COL8A2: variants seen among roughly 807,000 people sequenced by gnomAD.
The protein encoded by COL8A2 is collagen alpha-2(VIII) chain.
COL8A2 carries 16 observed loss-of-function variants against 24.0 expected under a neutral mutation model. The ratio of observed to expected loss-of-function variants is 0.67; its 90% confidence interval spans 0.45 to 1.01. COL8A2 has a LOEUF of 1.01. Ranked by LOEUF, COL8A2 falls within the 50% of genes least tolerant of loss-of-function variation. COL8A2 has a pLI of 0.00. For synonymous variants in COL8A2, 466 were observed against 424.5 expected, an observed-to-expected ratio of 1.10 and a Z score of -1.20; for missense variants, 818 against 942.4, an observed-to-expected ratio of 0.87 and a Z score of 1.73.
At chr1:36,103,068 G>C (rs1045920895) in intron 2 of COL8A2, among the ~76,000 whole-genome samples, 1 of 151,876 alleles carries the variant, frequency 6.6e-6, no homozygotes, top group Non-Finnish European at 1.5e-5. Context: ...CTGCAGCCTC[G>C]GCCTCCCGGG....
Position 36,098,108 on chromosome 1 carries a change from C to T in COL8A2, c.1573G>A (p.Gly525Arg). 1.3e-6 allele frequency: 2 copies of T among 1,510,576 alleles called. No individual in the cohort carries two copies. The highest frequency in any genetic ancestry group is 2.3e-5 in the East Asian group (1 of 43,236). 93.6% of individuals were successfully genotyped at this position (1,510,576 alleles called of 1,614,324 possible). ...PGITGPPGPPGPPGPPGAPGA... is the reference protein window; with the variant it reads ...PGITGPPGPPRPPGPPGAPGA... ...GGGGCACCAGGGGGTCCCGGGGGCC[C>T]GGGAGGCCCCGGAGGGCCCGTGATT... Residue 525 changes from glycine (G) to arginine (R), a missense_variant, in exon 4 of 4, where the codon GGG becomes AGG. Coordinates refer to ENST00000397799, the MANE Select transcript of COL8A2 (RefSeq NM_005202.4).
In COL8A2 at chr1:36,098,396, G is replaced by T. The variant is rs767441504; in HGVS notation, c.1285C>A (p.Pro429Thr). ...PPGPTGPKGE[P>T]GFTGRPGGPG... The stretch of plus-strand genomic sequence containing the variant: ...CCTCCAGGGCGACCCGTGAAACCCG[G>T]CTCACCCTTGGGCCCAGTTGGTCCA... The change falls in exon 4 of 4, where the codon CCG (proline) becomes ACG (threonine). Residue 429 changes from proline to threonine, a missense_variant. Pro to Thr is a conservative substitution (Grantham distance 38). Around this residue, in one of 3 missense-constraint regions of COL8A2, gnomAD observed 573 missense variants for 616.8 expected, o/e 0.93. Coordinates refer to ENST00000397799, the MANE Select transcript of COL8A2 (RefSeq NM_005202.4). 6.3e-7 allele frequency: 1 copy of T among 1,577,026 alleles called. No homozygotes were observed. The highest frequency in any genetic ancestry group is 1.2e-5 in the South Asian group (1 of 86,294).
At position 36,098,858 on chromosome 1, in the gene COL8A2, G is replaced by A; in HGVS notation, c.823C>T (p.Pro275Ser). 2 of 1,612,312 alleles carry A rather than the reference G, an allele frequency of 1.2e-6. No individual in the cohort carries two copies. The highest frequency in any genetic ancestry group is 1.7e-6 in the Non-Finnish European group (2 of 1,179,718). Reference sequence around the variant, plus strand: ...GGGACTCCCACACCGTCTACTCCAGGAGGTCCTTTTGGGCCCACAGCTCCT... The same window carrying A: ...GGGACTCCCACACCGTCTACTCCAGAAGGTCCTTTTGGGCCCACAGCTCCT... Reference protein sequence around the residue: ...EPGAVGPKGPPGVDGVGVPGA... With the variant: ...EPGAVGPKGPSGVDGVGVPGA... Residue 275 changes from proline to serine, a missense_variant, in exon 4 of 4, where the codon CCT becomes TCT. Transcript: ENST00000397799.
At chr1:36,116,222 C>A (rs1643878907) in intron 1 of COL8A2, among the ~76,000 whole-genome samples, 1 of 152,130 alleles carries the variant, frequency 6.6e-6, no homozygotes, top group South Asian at 2.1e-4. Context: ...TCCCTCCTCC[C>A]CTGAGGGAAG....
At chr1:36,124,743 G>A (rs957264639) in intron 1 of COL8A2, among the ~76,000 whole-genome samples, 1 of 152,138 alleles carries the variant, frequency 6.6e-6, no homozygotes, top group African/African-American at 2.4e-5. Flanking sequence ...GAGATCGGGA[G>A]GTGGTGACGC....
intron 2 of COL8A2, among the ~76,000 whole-genome samples, chr1:36,113,752 T>C (rs552304732): frequency 1.5e-4 from 23 of 152,300 alleles, no homozygotes; most frequent in African/African-American, 4.3e-4. Context: ...CCTACCAGAC[T>C]TCAGTTCCAC....
Position 36,097,474 on chromosome 1 carries a change from C to G in COL8A2, c.*95G>C. 9.2e-7 allele frequency: 1 copy of G among 1,081,116 alleles called. No homozygotes were observed. The highest frequency in any genetic ancestry group is 1.4e-6 in the Non-Finnish European group (1 of 738,334). 67.0% of individuals were successfully genotyped at this position (1,081,116 alleles called of 1,614,324 possible). ...CAAGGCCACGGCCGCCTCTGTTCAG[C>G]TTTTGTTTTTTTTTCCAGGAGGTTC... On this transcript the variant is annotated 3_prime_UTR_variant, in exon 4 of 4. Transcript: ENST00000397799.
chr1:36,120,397 G>T (rs1022037020), intron 1 of COL8A2, among the ~76,000 whole-genome samples: 3 of 152,104 alleles, frequency 2.0e-5, no homozygotes, highest in Non-Finnish European at 4.4e-5. Context: ...AGGTTGCAGT[G>T]AGCCAAGATT....
chr1:36,116,713 T>C (rs1643881449), intron 1 of COL8A2, among the ~76,000 whole-genome samples: 2 of 152,126 alleles, frequency 1.3e-5, no homozygotes, highest in African/African-American at 2.4e-5. Flanking sequence ...GATGAGGTGA[T>C]AGAAGGAATT....
intron 2 of COL8A2, among the ~76,000 whole-genome samples, chr1:36,111,802 TCAGCTTCCCAACTGAGCC>T (rs1197086257): frequency 6.6e-6 from 1 of 152,008 alleles, no homozygotes; most frequent in Non-Finnish European, 1.5e-5. Flanking sequence ...TCCTCCCACC[TCAGCTTCCCAACTGAGCC>T]TCAGACTCTT....
chr1:36,109,655 C>T (rs1297527617), intron 2 of COL8A2, among the ~76,000 whole-genome samples: 3 of 151,784 alleles, frequency 2.0e-5, no homozygotes, highest in Non-Finnish European at 4.4e-5. Context: ...CTGCAACCTC[C>T]GCCTTCCAGG....
chr1:36,105,314 T>G (rs1643742348), intron 2 of COL8A2, among the ~76,000 whole-genome samples: 1 of 152,216 alleles, frequency 6.6e-6, no homozygotes, highest in Non-Finnish European at 1.5e-5. Flanking sequence ...TCTGTCCCTG[T>G]GTGCCAAGGA....
intron 2 of COL8A2, among the ~76,000 whole-genome samples, chr1:36,109,477 C>A (rs1643808116): frequency 6.6e-6 from 1 of 152,210 alleles, no homozygotes; most frequent in African/African-American, 2.4e-5. Context: ...CAGCTACTTA[C>A]CAGCTGGGTG....
intron 1 of COL8A2, among the ~76,000 whole-genome samples, chr1:36,121,495 C>T (rs1053425299): frequency 5.4e-5 from 8 of 147,616 alleles, no homozygotes; most frequent in Non-Finnish European, 8.9e-5. Flanking sequence ...CCAAGGCGGG[C>T]GGATCACCTG....
In COL8A2 at chr1:36,099,057, A is replaced by C. The variant is rs1643628842; in HGVS notation, c.624T>G (p.Asn208Lys). ...CAGGCAGCCCGGGCTGGCCCACTCC[A>C]TTATCCCCCTTGAGGCCTCGATCAC... ...PPGDRGLKGD[N>K]GVGQPGLPGA... The change falls in exon 4 of 4, where the codon AAT (asparagine) becomes AAG (lysine). Residue 208 changes from asparagine to lysine, a missense_variant. Asn to Lys is a moderately conservative substitution (Grantham distance 94). Coordinates refer to ENST00000397799, the MANE Select transcript of COL8A2 (RefSeq NM_005202.4). 2 of 1,509,230 alleles carry C rather than the reference A, an allele frequency of 1.3e-6. No homozygotes were observed. The highest frequency in any genetic ancestry group is 3.0e-5 in the African/African-American group (2 of 66,870). 93.5% of individuals were successfully genotyped at this position (1,509,230 alleles called of 1,614,324 possible).
Position 36,099,196 on chromosome 1 carries a change from C to T in COL8A2, c.485G>A (p.Gly162Asp), listed in dbSNP as rs755782922. 4 of 1,519,596 alleles carry T rather than the reference C, an allele frequency of 2.6e-6. No individual in the cohort carries two copies. Among genetic ancestry groups the T allele is most frequent in the South Asian group, 1.2e-5 (1 of 81,268 alleles). 94.1% of individuals were successfully genotyped at this position (1,519,596 alleles called of 1,614,324 possible). A position where few individuals can be genotyped will look rare whatever the true frequency, so the allele number is the denominator to read the frequency against. Reference sequence around the variant, plus strand: ...AGTAATGCCTGAGGGGCCCGGGAGGCCAGGGGGTCCTGGGGGTCCCCGGAG... The same window carrying T: ...AGTAATGCCTGAGGGGCCCGGGAGGTCAGGGGGTCCTGGGGGTCCCCGGAG... ...QGLRGPPGPPGLPGPSGITIP... is the reference protein window; with the variant it reads ...QGLRGPPGPPDLPGPSGITIP... Residue 162 changes from glycine (G) to aspartate (D), a missense_variant, in exon 4 of 4, where the codon GGC becomes GAC. Around this residue, in one of 3 missense-constraint regions of COL8A2, gnomAD observed 573 missense variants for 616.8 expected, o/e 0.93. Transcript: ENST00000397799.
At chr1:36,099,541 AC>A in intron 3 of COL8A2, 54 bp from the exon 4 acceptor site, 13 of 1,255,272 alleles carry the variant, frequency 1.0e-5, no homozygotes, top group Non-Finnish European at 1.5e-5. Context: ...GGGACAGGGG[AC>A]CCCATCTACC....
At position 36,125,100 on chromosome 1, in the gene COL8A2, G is replaced by A; in HGVS notation, c.-105C>T. ...GGCGCCGCTCCCGGCCCTCGAGGGCGGCCCGGGCGGCGAGGGCTCCGGGCA... is the reference window on the plus strand; with the variant it reads ...GGCGCCGCTCCCGGCCCTCGAGGGCAGCCCGGGCGGCGAGGGCTCCGGGCA... On this transcript the variant is annotated 5_prime_UTR_variant, in exon 1 of 4. Coordinates refer to ENST00000397799, the MANE Select transcript of COL8A2 (RefSeq NM_005202.4). This position sits in a 1 kb window ranked among gnomAD's most constrained non-coding sequence, Gnocchi z 4.5. 1.0e-6 allele frequency: 1 copy of A among 974,320 alleles called. No individual in the cohort carries two copies. The highest frequency in any genetic ancestry group is 1.2e-6 in the Non-Finnish European group (1 of 821,854). The allele number at this position is 974,320 out of a possible 1,614,324, so 60.4% of individuals were successfully genotyped here.
Position 36,098,748 on chromosome 1 carries a change from G to T in COL8A2, c.933C>A (p.Gly311=), listed in dbSNP as rs779212973. 17 of 1,611,500 alleles carry T rather than the reference G, an allele frequency of 1.1e-5. No homozygotes were observed. Among genetic ancestry groups the T allele is most frequent in the Admixed American group, 3.3e-5 (2 of 59,976 alleles). Residue 311 remains glycine (G), a synonymous_variant, in exon 4 of 4, where the codon GGC becomes GGA. Coordinates refer to ENST00000397799, the MANE Select transcript of COL8A2 (RefSeq NM_005202.4). ...PGTRGPPGLI[G]PTGYGMPGLP... is the part of the protein sequence containing the mutation. Reference sequence around the variant, plus strand: ...GTCCTGGCATCCCATAGCCAGTGGGGCCTATCAGCCCAGGGGGGCCCCGGG... The same window carrying T: ...GTCCTGGCATCCCATAGCCAGTGGGTCCTATCAGCCCAGGGGGGCCCCGGG...
Sources: gnomAD v4.1 joint callset for allele counts (sites outside exome capture counted in the v4.1 genomes callset) on GRCh38, gnomAD v4.1.1 for gene constraint, gnomAD v4.1.1 regional missense constraint, Gnocchi (gnomAD v3.1) non-coding constraint, MANE v1.5 for transcripts, NCBI Gene and HGNC (gene_info 2026-07-23, HGNC 2026-07-21) for gene names.